The following SGSM2 variants were observed in gnomAD, a reference collection of about 807,000 sequenced individuals.
The protein encoded by SGSM2 is RUN and TBC1 domain containing 1.
In SGSM2, 89 loss-of-function variants were observed where a neutral mutation model predicts 126.6. The ratio of observed to expected loss-of-function variants is 0.70; its 90% CI spans 0.59 to 0.84. SGSM2 has a LOEUF of 0.84. SGSM2 is among the 40% of genes least tolerant of loss of function. The pLI is 0.00. For synonymous variants in SGSM2, 614 were observed against 574.3 expected (o/e 1.07, Z -0.99); for missense variants, 1,404 against 1,416.6 (o/e 0.99, Z 0.14).
intron 2 of SGSM2, among the ~76,000 whole-genome samples, chr17:2,346,296 A>G (rs1255882724): frequency 2.0e-5 from 3 of 151,742 alleles, no homozygotes; most frequent in African/African-American, 7.3e-5. Flanking sequence ...GGGCCCCTCA[A>G]CTCCACACCG....
chr17:2,341,008 T>A (rs2064346192), intron 1 of SGSM2, among the ~76,000 whole-genome samples: 1 of 152,256 alleles, frequency 6.6e-6, no homozygotes. Flanking sequence ...CTGCAGATCC[T>A]TCAACCCAAA....
Position 2,379,615 on chromosome 17 carries a change from A to G in SGSM2, c.*95A>G. On this transcript the variant is annotated 3_prime_UTR_variant, in exon 24 of 24. Coordinates refer to ENST00000268989, the MANE Select transcript of SGSM2 (RefSeq NM_014853.3). ...CCCAGACCTCCCCAGCCACCAACCG[A>G]CCCCACCTCTGTTCCTAACAAAGCG... 1 of 1,517,828 alleles carries G rather than the reference A, an allele frequency of 6.6e-7. No homozygotes were observed. The highest frequency in any genetic ancestry group is 8.9e-7 in the Non-Finnish European group (1 of 1,124,850). 94.0% of individuals were successfully genotyped at this position (1,517,828 alleles called of 1,614,324 possible).
At position 2,363,496 on chromosome 17, in the gene SGSM2, C is replaced by T. The variant is rs369258914; in HGVS notation, c.704C>T (p.Ser235Leu). 145 of 1,613,494 alleles carry T rather than the reference C, an allele frequency of 9.0e-5. No individual in the cohort carries two copies. Among genetic ancestry groups the T allele is most frequent in the African/African-American group, 2.0e-4 (15 of 75,076 alleles). Residue 235 changes from serine to leucine, a missense_variant, in exon 7 of 24, where the codon TCG becomes TTG. Transcript: ENST00000268989. The surrounding 1 kb of genome is among the most constrained non-coding windows in gnomAD (Gnocchi z 4.2). The part of the protein sequence containing the change: ...IRKRHSSGSA[S>L]EDRLAACARE... ...AAACGGCACTCAAGCGGCAGCGCGT[C>T]GGAGGACAGGCTGGCTGCCTGTGCC...
rs62067014 is a variant in SGSM2, at chr17:2,362,298, A to C, written c.458+28A>C. On this transcript the variant is annotated intron_variant, in intron 4 of 23. Transcript: ENST00000268989. The surrounding 1 kb of genome is among the most constrained non-coding windows in gnomAD (Gnocchi z 4.9). Reference sequence around the variant, plus strand: ...GACCGCCCCGTTCCCCAAAAACTGCAGGTGACCACCCCGTTCCCCCCAAAA... The same window carrying C: ...GACCGCCCCGTTCCCCAAAAACTGCCGGTGACCACCCCGTTCCCCCCAAAA... 38 of 1,579,374 alleles carry C rather than the reference A, an allele frequency of 2.4e-5. No homozygotes were observed. Among genetic ancestry groups the C allele is most frequent in the Non-Finnish European group, 3.2e-5 (37 of 1,163,004 alleles).
In SGSM2 at chr17:2,372,482, CA is replaced by C; in HGVS notation, c.1787del (p.Lys596ArgfsTer17). 6.3e-7 allele frequency: 1 copy of C among 1,598,050 alleles called. No individual in the cohort carries two copies. The highest frequency in any genetic ancestry group is 1.1e-5 in the South Asian group (1 of 88,594). On this transcript the variant is annotated frameshift_variant, in exon 15 of 24. Coordinates refer to ENST00000268989, the MANE Select transcript of SGSM2 (RefSeq NM_014853.3). LOFTEE classifies it high-confidence loss of function. The surrounding 1 kb of genome is among the most constrained non-coding windows in gnomAD (Gnocchi z 6.0). ...KDVWSKYQKDKKNYKELELLR... is the reference protein window; with the variant it reads ...KDVWSKYQKDXKNYKELELLR... Reference sequence around the variant, plus strand: ...ACGTGTGGAGCAAGTATCAGAAGGACAAAAAGGTGCCAACCCTGGGGTTCCA... The same window carrying C: ...ACGTGTGGAGCAAGTATCAGAAGGACAAAAGGTGCCAACCCTGGGGTTCCA...
chr17:2,373,330 G>T lies in SGSM2; in HGVS notation c.1918-1G>T. On this transcript the variant is annotated splice_acceptor_variant, in intron 16 of 23. Transcript: ENST00000268989. LOFTEE classifies it high-confidence loss of function. ...ATGGTCGTGGTGTGGTCTGAGTACAGGTGGACGCAGTGGTGGCAGCAAGGT... is the reference window on the plus strand; with the variant it reads ...ATGGTCGTGGTGTGGTCTGAGTACATGTGGACGCAGTGGTGGCAGCAAGGT... 6.2e-7 allele frequency: 1 copy of T among 1,611,750 alleles called. No individual in the cohort carries two copies.
At chr17:2,365,666 G>C (rs1313797051) in intron 11 of SGSM2, among the ~76,000 whole-genome samples, 2 of 152,050 alleles carry the variant, frequency 1.3e-5, no homozygotes, top group Admixed American at 1.3e-4. Flanking sequence ...AGAAGTAGAA[G>C]GTGGGGAACC....
intron 19 of SGSM2, 108 bp from the exon 20 acceptor site, chr17:2,376,625 G>A: frequency 8.1e-7 from 1 of 1,229,996 alleles, no homozygotes; most frequent in Non-Finnish European, 1.2e-6. Context: ...TAGGGTCGTG[G>A]AAAGGCTGAC....
chr17:2,343,275 C>T (rs150162049), intron 1 of SGSM2, among the ~76,000 whole-genome samples: 18 of 152,314 alleles, frequency 1.2e-4, no homozygotes, highest in African/African-American at 4.1e-4. Flanking sequence ...TATTCCTGTT[C>T]TCCAAGGCAG....
rs756175700 is a variant in SGSM2, at chr17:2,379,099, C to T, written c.2963C>T (p.Ser988Leu). 6 of 1,614,228 alleles carry T rather than the reference C, an allele frequency of 3.7e-6. No individual in the cohort carries two copies. Among genetic ancestry groups the T allele is most frequent in the Non-Finnish European group, 5.1e-6 (6 of 1,180,028 alleles). ...EVIWAARHISSEHFVLFIALA... is the reference protein window; with the variant it reads ...EVIWAARHISLEHFVLFIALA... ...ATCTGGGCAGCCAGGCACATCTCAT[C>T]GGAGCACTTTGTCCTGTTCATCGCC... The change falls in exon 23 of 24, where the codon TCG becomes TTG. Residue 988 changes from serine to leucine, a missense_variant. By Grantham distance (145) the Ser-to-Leu change is moderately radical. Coordinates refer to ENST00000268989, the MANE Select transcript of SGSM2 (RefSeq NM_014853.3).
Position 2,364,057 on chromosome 17 carries a change from A to T in SGSM2, c.808-2A>T. 1 of 1,613,926 alleles carries T rather than the reference A, an allele frequency of 6.2e-7. No individual in the cohort carries two copies. The highest frequency in any genetic ancestry group is 8.5e-7 in the Non-Finnish European group (1 of 1,179,962). Reference sequence around the variant, plus strand: ...TCGGTCTTCCGGTGTCTCCCGCTGTAGAAGGAGGATATGGAGGCGGTCCCT... The same window carrying T: ...TCGGTCTTCCGGTGTCTCCCGCTGTTGAAGGAGGATATGGAGGCGGTCCCT... On this transcript the variant is annotated splice_acceptor_variant, in intron 7 of 23. Transcript: ENST00000268989. LOFTEE classifies it high-confidence loss of function.
rs750179481 is a variant in SGSM2 at position 2,377,928 on chromosome 17, C to T, written c.2874C>T (p.Arg958=). The change falls in exon 22 of 24, where the codon CGC becomes CGT. Residue 958 remains arginine (R), a synonymous_variant. Coordinates refer to ENST00000268989, the MANE Select transcript of SGSM2 (RefSeq NM_014853.3). ...ACACCCACTTCTACTTCTGTTATCG[C>T]TGGTTCCTGCTGGATTTTAAGAGAG... The part of the protein sequence containing the change: ...GDYTHFYFCY[R]WFLLDFKREL... The T allele has an allele frequency of 3.1e-6, 5 of 1,611,772 alleles. No homozygotes were observed. Among genetic ancestry groups the T allele is most frequent in the Non-Finnish European group, 4.2e-6 (5 of 1,178,080 alleles).
Position 2,379,998 on chromosome 17 carries a change from G to A in SGSM2, c.*478G>A. 1 of 1,386,016 alleles carries A rather than the reference G, an allele frequency of 7.2e-7. No homozygotes were observed. Among genetic ancestry groups the A allele is most frequent in the Non-Finnish European group, 9.3e-7 (1 of 1,072,542 alleles). The allele number at this position is 1,386,016 out of a possible 1,614,324, so 85.9% of individuals were successfully genotyped here. A position where few individuals can be genotyped will look rare whatever the true frequency, so the allele number is the denominator to read the frequency against. Reference sequence around the variant, plus strand: ...TGTGCGTGCACCAGCCCCAGCTGGAGCAACCAAAACTGCTTCTGGTTTAGG... The same window carrying A: ...TGTGCGTGCACCAGCCCCAGCTGGAACAACCAAAACTGCTTCTGGTTTAGG... On this transcript the variant is annotated 3_prime_UTR_variant, in exon 24 of 24. Transcript: ENST00000268989.
rs1317973346 is a variant in SGSM2 at position 2,380,162 on chromosome 17, G to A, written c.*642G>A. On this transcript the variant is annotated 3_prime_UTR_variant, in exon 24 of 24. Transcript: ENST00000268989. ...CTTCAGCAGCACTGCCACTGCCTTTGGCCACCTGAGGTGACCCCCAGGCCT... is the reference window on the plus strand; with the variant it reads ...CTTCAGCAGCACTGCCACTGCCTTTAGCCACCTGAGGTGACCCCCAGGCCT... 11 of 1,480,642 alleles carry A rather than the reference G, an allele frequency of 7.4e-6. No individual in the cohort carries two copies. The highest frequency in any genetic ancestry group is 9.9e-6 in the Non-Finnish European group (11 of 1,115,964). 91.7% of individuals were successfully genotyped at this position (1,480,642 alleles called of 1,614,324 possible).
intron 3 of SGSM2, 97 bp downstream of exon 3, chr17:2,361,896 G>C: frequency 6.9e-7 from 1 of 1,449,998 alleles, no homozygotes; most frequent in Non-Finnish European, 9.3e-7. Flanking sequence ...GGCATCCTGG[G>C]CCTGTTCCTT....
At position 2,372,123 on chromosome 17, in the gene SGSM2, C is replaced by T. The variant is rs1363414436; in HGVS notation, c.1578-67C>T. 2 of 1,577,472 alleles carry T rather than the reference C, an allele frequency of 1.3e-6. No individual in the cohort carries two copies. Among genetic ancestry groups the T allele is most frequent in the Non-Finnish European group, 1.7e-6 (2 of 1,150,590 alleles). ...CCTGCCCCCCAGGACAGAGCCTCCT[C>T]CCTTCTCTCTCTCCTCCCACCAGAG... On this transcript the variant is annotated intron_variant, in intron 13 of 23. Transcript: ENST00000268989. This position sits in a 1 kb window ranked among gnomAD's most constrained non-coding sequence, Gnocchi z 6.0.
At chr17:2,343,651 T>G (rs1215684947) in intron 2 of SGSM2, 31 bp downstream of exon 2, 2 of 1,605,630 alleles carry the variant, frequency 1.2e-6, no homozygotes, top group African/African-American at 1.3e-5. Context: ...TGATGGGAGG[T>G]CGGTCTAGAG....
At chr17:2,344,761 A>G (rs1298860103) in intron 2 of SGSM2, among the ~76,000 whole-genome samples, 1 of 152,232 alleles carries the variant, frequency 6.6e-6, no homozygotes, top group African/African-American at 2.4e-5. Flanking sequence ...AGTCTGAGTG[A>G]CAGACTGGGG....
rs1245340424 is a variant in SGSM2, at chr17:2,372,904, C to A, written c.1789-49C>A. The A allele has an allele frequency of 1.9e-6, 3 of 1,543,742 alleles. No individual in the cohort carries two copies. Among genetic ancestry groups the A allele is most frequent in the South Asian group, 1.2e-5 (1 of 83,026 alleles). Reference sequence around the variant, plus strand: ...GTGGGATGGGGCTCACCCAGCTGGGCCACGGTGACTGTGGAGGCTGCACAG... The same window carrying A: ...GTGGGATGGGGCTCACCCAGCTGGGACACGGTGACTGTGGAGGCTGCACAG... On this transcript the variant is annotated intron_variant, in intron 15 of 23. Coordinates refer to ENST00000268989, the MANE Select transcript of SGSM2 (RefSeq NM_014853.3). The surrounding 1 kb of genome is among the most constrained non-coding windows in gnomAD (Gnocchi z 6.0).
Sources: allele counts gnomAD v4.1 joint callset (sites outside exome capture counted in the v4.1 genomes callset), GRCh38; gene constraint gnomAD v4.1.1; non-coding constraint Gnocchi (gnomAD v3.1); transcripts MANE v1.5; gene names NCBI Gene and HGNC (gene_info 2026-07-23, HGNC 2026-07-21).